CYTH1: variants seen among roughly 807,000 people sequenced by gnomAD.
CYTH1 encodes the protein cytohesin-1.
CYTH1 carries 18 observed loss-of-function variants against 61.8 expected under a neutral mutation model. The ratio of observed to expected loss-of-function variants is 0.29; its 90% CI spans 0.20 to 0.43. The LOEUF is 0.43. CYTH1 is among the 20% of genes least tolerant of loss of function. CYTH1 has a pLI of 1.00. For synonymous variants in CYTH1, 174 were observed against 184.3 expected (o/e 0.94, Z 0.45); for missense variants, 336 against 510.5 (o/e 0.66, Z 3.29).
chr17:78,742,670 T>A (rs569464516), intron 1 of CYTH1, among the ~76,000 whole-genome samples: 1 of 151,606 alleles, frequency 6.6e-6, no homozygotes, highest in Non-Finnish European at 1.5e-5. Flanking sequence ...CTAGCCGACA[T>A]GGTGAAACCC....
In CYTH1 at chr17:78,762,982, G is replaced by A. The variant is rs549165468; in HGVS notation, c.22+19220C>T. On this transcript the variant is annotated intron_variant, in intron 1 of 13. Transcript: ENST00000446868. ...CACTAAATTTGTGATAATTTGTTAT[G>A]GCAGCAACAGGAAACTAATACAATG... is the stretch of plus-strand genomic sequence containing the variant. 3.9e-5 allele frequency among the ~76,000 whole-genome samples: 6 copies of A among 152,228 alleles called. No individual in the cohort carries two copies. In the South Asian group the frequency reaches 6.2e-4, roughly 16 times the overall value.
chr17:78,723,453 G>A (rs1431689313), intron 1 of CYTH1: 1 of 152,556 alleles, frequency 6.6e-6, no homozygotes, highest in African/African-American at 2.4e-5. Flanking sequence ...GAAAACAAAA[G>A]CTGAGAGCAC....
At chr17:78,716,125 C>T (rs970354407) in intron 1 of CYTH1, among the ~76,000 whole-genome samples, 21 of 152,254 alleles carry the variant, frequency 1.4e-4, no homozygotes, top group African/African-American at 5.1e-4. Flanking sequence ...GTGTGAGCTG[C>T]ATCCTCATCC....
At chr17:78,769,127 C>T (rs942933113) in intron 1 of CYTH1, among the ~76,000 whole-genome samples, 2 of 148,926 alleles carry the variant, frequency 1.3e-5, no homozygotes, top group Non-Finnish European at 3.0e-5. Context: ...GCCTAGGCAA[C>T]AGAGCAAGAC....
chr17:78,708,164 C>T (rs771456310), intron 3 of CYTH1, 33 bp downstream of exon 3: 10 of 1,613,072 alleles, frequency 6.2e-6, no homozygotes, highest in Admixed American at 1.7e-5. Context: ...GAATTACAAC[C>T]ACAGAAGCCA....
intron 1 of CYTH1, among the ~76,000 whole-genome samples, chr17:78,733,043 C>G (rs1050121844): frequency 8.2e-6 from 1 of 122,384 alleles, no homozygotes; most frequent in East Asian, 2.6e-4. Flanking sequence ...GCCAAGATCA[C>G]GCCCAGCCTG....
intron 1 of CYTH1, among the ~76,000 whole-genome samples, chr17:78,738,232 C>T (rs1251272892): frequency 6.6e-6 from 1 of 152,182 alleles, no homozygotes; most frequent in Non-Finnish European, 1.5e-5. Flanking sequence ...TGACCTAACT[C>T]ATCTAATCCT....
chr17:78,770,701 C>T (rs549460743), intron 1 of CYTH1, among the ~76,000 whole-genome samples: 3 of 152,186 alleles, frequency 2.0e-5, no homozygotes, highest in Non-Finnish European at 2.9e-5. Flanking sequence ...CCACAGAGCC[C>T]GACTGAAAAT....
chr17:78,755,179 T>G (rs2093395590), intron 1 of CYTH1, among the ~76,000 whole-genome samples: 2 of 152,070 alleles, frequency 1.3e-5, no homozygotes, highest in South Asian at 4.1e-4. Flanking sequence ...TATTATTTAT[T>G]TATTTATTTG....
At chr17:78,762,738 G>A (rs1361657429) in intron 1 of CYTH1, among the ~76,000 whole-genome samples, 1 of 152,190 alleles carries the variant, frequency 6.6e-6, no homozygotes, top group Non-Finnish European at 1.5e-5. Context: ...GATGAGAGGT[G>A]AGACTCAATC....
In CYTH1 at chr17:78,774,999, C is replaced by T. The variant is rs79482158; in HGVS notation, c.22+7203G>A. On this transcript the variant is annotated intron_variant, in intron 1 of 13. Transcript: ENST00000446868. ...TAGAACTGCCGCAAGGCACTGCTCCCTCAGACAGCCCACCACCTGTGGCTG... is the reference window on the plus strand; with the variant it reads ...TAGAACTGCCGCAAGGCACTGCTCCTTCAGACAGCCCACCACCTGTGGCTG... 8.4e-4 allele frequency among the ~76,000 whole-genome samples: 128 copies of T among 152,370 alleles called. No individual in the cohort carries two copies. The East Asian group carries it at 0.022, about 26-fold the overall frequency.
At chr17:78,682,511 G>C (rs2092774148) in intron 11 of CYTH1, among the ~76,000 whole-genome samples, 1 of 152,128 alleles carries the variant, frequency 6.6e-6, no homozygotes, top group African/African-American at 2.4e-5. Flanking sequence ...CTTGAAACAA[G>C]AGGTTTCAAG....
rs756094311 is a variant in CYTH1 at position 78,702,496 on chromosome 17, C to A, written c.237+42G>T. ...GGTCTATCTGAGCACTATAAAAAAA[C>A]CCCATCTAATATGGACCACTTCCCG... On this transcript the variant is annotated intron_variant, in intron 4 of 13. Coordinates refer to ENST00000446868, the MANE Select transcript of CYTH1 (RefSeq NM_004762.6). 13 of 1,597,836 alleles carry A rather than the reference C, an allele frequency of 8.1e-6. No individual in the cohort carries two copies. The South Asian group carries it at 1.3e-4, about 16-fold the overall frequency.
intron 1 of CYTH1, among the ~76,000 whole-genome samples, chr17:78,777,548 C>A (rs921984853): frequency 6.6e-6 from 1 of 152,098 alleles, no homozygotes; most frequent in Non-Finnish European, 1.5e-5. Context: ...ACTGAGAAAG[C>A]CTTTTTGTTG....
At chr17:78,765,816 T>A (rs1186031227) in intron 1 of CYTH1, among the ~76,000 whole-genome samples, 2 of 152,114 alleles carry the variant, frequency 1.3e-5, no homozygotes, top group African/African-American at 4.8e-5. Flanking sequence ...ACAACTTGAT[T>A]TTTTTTAAAT....
At chr17:78,698,562 G>T (rs1234250929) in intron 8 of CYTH1, among the ~76,000 whole-genome samples, 182 bp from the exon 9 acceptor site, 2 of 152,016 alleles carry the variant, frequency 1.3e-5, no homozygotes, top group Non-Finnish European at 2.9e-5. Context: ...AAATAAATAA[G>T]CCTTCCCAAT....
At chr17:78,730,369 C>CA (rs56790957) in intron 1 of CYTH1, among the ~76,000 whole-genome samples, 54,310 of 95,402 alleles carry the variant, frequency 0.57, 14,436 homozygotes, top group Non-Finnish European at 0.63. Context: ...ACTAAAAATA[C>CA]AAAAAAAAAA....
chr17:78,693,551 G>A (rs544205778), intron 10 of CYTH1, among the ~76,000 whole-genome samples: 14 of 151,732 alleles, frequency 9.2e-5, no homozygotes, highest in African/African-American at 3.4e-4. Flanking sequence ...GAACTGGGAG[G>A]TGGAGGTTGC....
intron 1 of CYTH1, among the ~76,000 whole-genome samples, chr17:78,764,337 C>T (rs1265368045): frequency 1.3e-5 from 2 of 151,352 alleles, no homozygotes; most frequent in East Asian, 2.0e-4. Flanking sequence ...GCTGGGACTA[C>T]GGGCGCACCC....
Sources: allele counts gnomAD v4.1 joint callset (sites outside exome capture counted in the v4.1 genomes callset), GRCh38; gene constraint gnomAD v4.1.1; transcripts MANE v1.5; gene names NCBI Gene and HGNC (gene_info 2026-07-23, HGNC 2026-07-21).